Variants in OPCML observed in about 807,000 individuals in gnomAD.
OPCML encodes opioid binding protein/cell adhesion molecule like.
Under a neutral mutation model 37.8 loss-of-function variants are expected in OPCML, and 13 were observed. The observed-to-expected ratio is 0.34, with a 90% CI of 0.22 to 0.55. OPCML has a LOEUF of 0.55. OPCML is among the 20% of genes least tolerant of loss of function. The pLI, the probability that OPCML is intolerant of heterozygous loss-of-function variation, is 0.91. For synonymous variants in OPCML, 176 were observed against 168.8 expected, an observed-to-expected ratio of 1.04 and a Z score of -0.33; for missense variants, 341 against 435.6, an observed-to-expected ratio of 0.78 and a Z score of 1.93.
chr11:132,467,990 T>C (rs982388728), intron 4 of OPCML, among the ~76,000 whole-genome samples: 1 of 152,186 alleles, frequency 6.6e-6, no homozygotes, highest in African/African-American at 2.4e-5. Flanking sequence ...GCTTCTGATC[T>C]CCACGCTGAC....
intron 4 of OPCML, among the ~76,000 whole-genome samples, chr11:132,472,292 GC>G (rs2096140451): frequency 6.6e-6 from 1 of 152,114 alleles, no homozygotes; most frequent in South Asian, 2.1e-4. Flanking sequence ...TATCACCAGA[GC>G]CTAGCACATA....
chr11:132,691,128 A>G (rs1341359721), intron 2 of OPCML, among the ~76,000 whole-genome samples: 1 of 152,224 alleles, frequency 6.6e-6, no homozygotes, highest in African/African-American at 2.4e-5. Context: ...CCACTTAAAT[A>G]TAAGGAAACG....
chr11:133,207,985 C>CT (rs1939176790), intron 1 of OPCML, among the ~76,000 whole-genome samples: 1 of 152,174 alleles, frequency 6.6e-6, no homozygotes, highest in African/African-American at 2.4e-5. Flanking sequence ...TACCCATCTA[C>CT]TTAGCACCTC....
intron 2 of OPCML, among the ~76,000 whole-genome samples, chr11:132,881,341 G>A (rs1393304343): frequency 6.6e-6 from 1 of 152,212 alleles, no homozygotes; most frequent in Non-Finnish European, 1.5e-5. Flanking sequence ...AGGGAAGAGG[G>A]AGGAAGCATG....
At chr11:132,752,171 G>A (rs1306179659) in intron 2 of OPCML, among the ~76,000 whole-genome samples, 2 of 151,984 alleles carry the variant, frequency 1.3e-5, no homozygotes, top group African/African-American at 4.8e-5. Flanking sequence ...GAGTGTTTTT[G>A]TGCAGTTTGG....
intron 1 of OPCML, among the ~76,000 whole-genome samples, chr11:133,439,692 C>T (rs1293440433): frequency 3.3e-5 from 5 of 152,004 alleles, no homozygotes; most frequent in Non-Finnish European, 7.4e-5. Flanking sequence ...TGGTCTCGAT[C>T]TCCTGACTTC....
intron 1 of OPCML, chr11:133,422,538 C>T: frequency 1.0e-6 from 1 of 969,308 alleles, no homozygotes. Flanking sequence ...TCCTGCTCTA[C>T]CGCCCAGGCT....
intron 1 of OPCML, among the ~76,000 whole-genome samples, chr11:133,462,694 GA>G (rs1230690032): frequency 6.6e-6 from 1 of 152,076 alleles, no homozygotes; most frequent in African/African-American, 2.4e-5. Context: ...GTAGTGGGGA[GA>G]ATGTAGAAAA....
intron 2 of OPCML, among the ~76,000 whole-genome samples, chr11:132,842,713 C>T (rs1941347723): frequency 6.6e-6 from 1 of 152,226 alleles, no homozygotes; most frequent in Non-Finnish European, 1.5e-5. Context: ...CATGCCAGCC[C>T]TGGTCACAGG....
intron 4 of OPCML, among the ~76,000 whole-genome samples, chr11:132,447,652 C>T (rs1433265899): frequency 1.3e-5 from 2 of 152,130 alleles, no homozygotes; most frequent in African/African-American, 4.8e-5. Flanking sequence ...CTTTAAAGTA[C>T]ACTGGTCTGG....
chr11:132,795,593 G>A (rs1480762267), intron 2 of OPCML, among the ~76,000 whole-genome samples: 1 of 152,182 alleles, frequency 6.6e-6, no homozygotes, highest in Non-Finnish European at 1.5e-5. Flanking sequence ...GCCCTAGGAA[G>A]CCATGTATCT....
chr11:133,440,399 C>CAA (rs574269636), intron 1 of OPCML, among the ~76,000 whole-genome samples: 19,205 of 99,820 alleles, frequency 0.19, 1,518 homozygotes, highest in Admixed American at 0.27. Context: ...AACTCCATCT[C>CAA]AAAAAAAAAA....
intron 2 of OPCML, among the ~76,000 whole-genome samples, chr11:132,836,820 G>T (rs1941026250): frequency 6.6e-6 from 1 of 152,162 alleles, no homozygotes; most frequent in Admixed American, 6.5e-5. Flanking sequence ...AAGAGCAGGG[G>T]GTGGTGCTGT....
chr11:132,599,454 G>A lies in OPCML; in HGVS notation c.379+57633C>T, dbSNP rs556714047. 2.0e-5 allele frequency among the ~76,000 whole-genome samples: 3 copies of A among 149,958 alleles called. No individual in the cohort carries two copies. In the South Asian group the frequency reaches 6.4e-4, roughly 32 times the overall value. Reference sequence around the variant, plus strand: ...GTGGAGGAGAAGGAAGGAGGAGGAAGAGGAGGAGGAGGAGGAGGAGAAGAG... The same window carrying A: ...GTGGAGGAGAAGGAAGGAGGAGGAAAAGGAGGAGGAGGAGGAGGAGAAGAG... On this transcript the variant is annotated intron_variant, in intron 3 of 7. Coordinates refer to ENST00000524381, the MANE Select transcript of OPCML (RefSeq NM_001012393.5).
chr11:132,716,200 C>G (rs1201822822), intron 2 of OPCML, among the ~76,000 whole-genome samples: 1 of 152,112 alleles, frequency 6.6e-6, no homozygotes, highest in African/African-American at 2.4e-5. Flanking sequence ...GCAGAGCAGA[C>G]TCCCAAACTC....
intron 3 of OPCML, among the ~76,000 whole-genome samples, chr11:132,641,354 AC>A (rs1430618834): frequency 6.6e-6 from 1 of 152,040 alleles, no homozygotes; most frequent in Non-Finnish European, 1.5e-5. Context: ...CAGAGCTGCC[AC>A]TTTCACCTCT....
intron 1 of OPCML, among the ~76,000 whole-genome samples, chr11:133,286,331 G>C (rs949162420): frequency 6.6e-6 from 1 of 151,776 alleles, no homozygotes; most frequent in South Asian, 2.1e-4. Context: ...TAAGCCGGGC[G>C]TGGTGGCGGG....
chr11:132,937,498 G>C (rs920300738), intron 2 of OPCML, among the ~76,000 whole-genome samples: 30 of 151,540 alleles, frequency 2.0e-4, no homozygotes, highest in African/African-American at 7.0e-4. Flanking sequence ...GAGAGAGAGT[G>C]TGTGTGTATG....
intron 1 of OPCML, among the ~76,000 whole-genome samples, chr11:133,077,186 C>A (rs1948634148): frequency 6.6e-6 from 1 of 151,932 alleles, no homozygotes; most frequent in East Asian, 2.0e-4. Context: ...CTCAACCCTG[C>A]CTGGATATCA....
Sources: gnomAD v4.1 joint callset for allele counts (sites outside exome capture counted in the v4.1 genomes callset) on GRCh38, gnomAD v4.1.1 for gene constraint, MANE v1.5 for transcripts, NCBI Gene and HGNC (gene_info 2026-07-23, HGNC 2026-07-21) for gene names.